Variants in LINGO2 observed in about 807,000 individuals in gnomAD.
LINGO2 encodes the protein leucine-rich repeat and immunoglobulin-like domain-containing nogo receptor-interacting protein 2.
A neutral mutation model predicts 30.6 loss-of-function variants in LINGO2; 14 were observed. That is an observed-to-expected ratio of 0.46 (90% CI 0.30 to 0.72). LINGO2 has a LOEUF of 0.72. Ranked by LOEUF, LINGO2 falls within the 30% of genes least tolerant of loss-of-function variation. The pLI is 0.07. For synonymous variants in LINGO2, 317 were observed against 288.5 expected (o/e 1.10, Z -1.00); for missense variants, 729 against 751.7 (o/e 0.97, Z 0.35).
chr9:28,847,778 T>C, the LINGO2 span, among the ~76,000 whole-genome samples: 44 of 36,534 alleles, frequency 1.2e-3, 4 homozygotes, highest in South Asian at 0.03. Context: ...TGTGTATATA[T>C]AGTATATATA....
intron 2 of LINGO2, among the ~76,000 whole-genome samples, chr9:28,446,941 T>G (rs1461942777): frequency 6.6e-6 from 1 of 152,182 alleles, no homozygotes; most frequent in Non-Finnish European, 1.5e-5. Context: ...ATGCCTTTTA[T>G]TTTTCTAAAA....
chr9:28,948,161 T>C, the LINGO2 span, among the ~76,000 whole-genome samples: 17 of 152,176 alleles, frequency 1.1e-4, no homozygotes, highest in South Asian at 3.5e-3. Flanking sequence ...AAATGTATAT[T>C]AAAAATCAAC....
At chr9:28,603,425 G>A (rs903314961) in intron 1 of LINGO2, among the ~76,000 whole-genome samples, 1 of 151,954 alleles carries the variant, frequency 6.6e-6, no homozygotes, top group Admixed American at 6.6e-5. Context: ...AGACAAACAT[G>A]AATTAATTTT....
chr9:28,306,913 GGT>G, intron 3 of LINGO2, among the ~76,000 whole-genome samples: 1 of 152,240 alleles, frequency 6.6e-6, no homozygotes, highest in East Asian at 1.9e-4. Flanking sequence ...CCAATAACAA[GGT>G]CTGAAATTGT....
the LINGO2 span, among the ~76,000 whole-genome samples, chr9:28,762,013 C>T: frequency 6.6e-6 from 1 of 151,552 alleles, no homozygotes; most frequent in African/African-American, 2.4e-5. Flanking sequence ...TCCTTTTTTT[C>T]CCTCTATTCT....
At chr9:27,971,596 C>T (rs1283907832) in intron 5 of LINGO2, among the ~76,000 whole-genome samples, 1 of 152,046 alleles carries the variant, frequency 6.6e-6, no homozygotes, top group African/African-American at 2.4e-5. Flanking sequence ...ACCATGTTGA[C>T]CAGGCTGGTC....
intron 3 of LINGO2, among the ~76,000 whole-genome samples, chr9:28,344,771 T>G (rs1170133992): frequency 6.6e-6 from 1 of 152,028 alleles, no homozygotes; most frequent in Non-Finnish European, 1.5e-5. Flanking sequence ...ACTCAAGGAT[T>G]TAAGAAATTA....
chr9:28,198,494 A>G (rs534834053), intron 4 of LINGO2, among the ~76,000 whole-genome samples: 13 of 152,298 alleles, frequency 8.5e-5, no homozygotes, highest in African/African-American at 3.1e-4. Flanking sequence ...TCCTTTGCAT[A>G]TGAATACTGA....
the LINGO2 span, among the ~76,000 whole-genome samples, chr9:28,825,068 G>C: frequency 6.6e-6 from 1 of 151,944 alleles, no homozygotes; most frequent in Non-Finnish European, 1.5e-5. Context: ...TTCCCCATTT[G>C]GCCCAAAAGT....
At chr9:29,207,152 T>C in the LINGO2 span, among the ~76,000 whole-genome samples, 1 of 151,718 alleles carries the variant, frequency 6.6e-6, no homozygotes, top group African/African-American at 2.4e-5. Flanking sequence ...ATATAAAGTA[T>C]ATATAAAGAA....
intron 4 of LINGO2, among the ~76,000 whole-genome samples, chr9:28,039,911 A>T (rs1334896224): frequency 6.6e-6 from 1 of 152,078 alleles, no homozygotes; most frequent in African/African-American, 2.4e-5. Flanking sequence ...ATACTGGAGG[A>T]TCAGCTCCAT....
At chr9:28,054,139 T>C (rs926679545) in intron 4 of LINGO2, among the ~76,000 whole-genome samples, 9 of 152,050 alleles carry the variant, frequency 5.9e-5, no homozygotes, top group African/African-American at 1.7e-4. Context: ...ATGTTGAGAC[T>C]GAAGTTATTG....
At chr9:28,919,269 G>T in the LINGO2 span, among the ~76,000 whole-genome samples, 1 of 152,042 alleles carries the variant, frequency 6.6e-6, no homozygotes, top group Non-Finnish European at 1.5e-5. Context: ...ATGCTTGAAG[G>T]TTCAGCCATG....
chr9:28,089,707 C>T (rs1327866733), intron 4 of LINGO2, among the ~76,000 whole-genome samples: 15 of 151,990 alleles, frequency 9.9e-5, no homozygotes. Flanking sequence ...CAAGAAATAA[C>T]TAAGATCAGA....
At chr9:29,114,416 AT>A in the LINGO2 span, among the ~76,000 whole-genome samples, 14 of 128,024 alleles carry the variant, frequency 1.1e-4, 1 homozygote, top group Non-Finnish European at 2.4e-4. Flanking sequence ...TATTATTATT[AT>A]TATACTTTAT....
intron 2 of LINGO2, among the ~76,000 whole-genome samples, chr9:28,401,908 A>G (rs564786844): frequency 3.3e-5 from 5 of 152,132 alleles, no homozygotes; most frequent in South Asian, 4.2e-4. Context: ...TTTTTTTCAT[A>G]TATCTGTTGG....
intron 4 of LINGO2, among the ~76,000 whole-genome samples, chr9:28,105,725 T>C (rs1385440984): frequency 6.6e-6 from 1 of 151,938 alleles, no homozygotes; most frequent in African/African-American, 2.4e-5. Context: ...TCTCACTCTC[T>C]CTCTCTCTCT....
In LINGO2 at chr9:27,969,666, C is replaced by T. The variant is rs537809101; in HGVS notation, c.-35-18960G>A. 5.3e-5 allele frequency among the ~76,000 whole-genome samples: 8 copies of T among 152,198 alleles called. No homozygotes were observed. In the East Asian group the frequency reaches 7.7e-4, roughly 15 times the overall value. ...GTGATAGAAAGGGGATTCAAACTCA[C>T]GTCTTTCTGGCTCTAAAGTCCTAGT... is the stretch of plus-strand genomic sequence containing the variant. On this transcript the variant is annotated intron_variant, in intron 5 of 5. Coordinates refer to ENST00000379992, the Ensembl canonical transcript of LINGO2.
chr9:28,224,228 T>C (rs1412550734), intron 4 of LINGO2, among the ~76,000 whole-genome samples: 2 of 152,018 alleles, frequency 1.3e-5, no homozygotes, highest in South Asian at 2.1e-4. Flanking sequence ...CCATGCCCAG[T>C]TAATTTTTTC....
Sources: allele counts gnomAD v4.1 joint callset (sites outside exome capture counted in the v4.1 genomes callset), GRCh38; gene constraint gnomAD v4.1.1; transcripts MANE v1.5; gene names NCBI Gene and HGNC (gene_info 2026-07-23, HGNC 2026-07-21).